EIF2B3: variants seen among roughly 807,000 people sequenced by gnomAD.
The protein encoded by EIF2B3 is eukaryotic translation initiation factor 2B subunit gamma.
Under a neutral mutation model 54.1 loss-of-function variants are expected in EIF2B3, and 20 were observed. The observed-to-expected ratio is 0.37, with a 90% CI of 0.26 to 0.54. The LOEUF (loss-of-function observed/expected upper bound fraction) is 0.54. Ranked by LOEUF, EIF2B3 falls within the 20% of genes least tolerant of loss-of-function variation. The pLI is 0.86. For synonymous variants in EIF2B3, 153 were observed against 188.1 expected (o/e 0.81, Z 1.52); for missense variants, 448 against 547.8 (o/e 0.82, Z 1.82).
chr1:44,916,421 T>G (rs1014923012), intron 5 of EIF2B3, among the ~76,000 whole-genome samples: 2 of 150,796 alleles, frequency 1.3e-5, no homozygotes, highest in African/African-American at 4.9e-5. Flanking sequence ...AGAGACAAGA[T>G]CTCACCATAT....
intron 4 of EIF2B3, 119 bp from the exon 5 acceptor site, chr1:44,926,858 G>T: frequency 3.3e-6 from 3 of 919,734 alleles, no homozygotes; most frequent in Non-Finnish European, 5.1e-6. Flanking sequence ...TTGAAGGGTG[G>T]GTGCAGTGGC....
At chr1:44,953,816 A>G (rs1644194756) in intron 3 of EIF2B3, among the ~76,000 whole-genome samples, 1 of 152,174 alleles carries the variant, frequency 6.6e-6, no homozygotes, top group Non-Finnish European at 1.5e-5. Context: ...TAAAATAACA[A>G]CAGCATTTAC....
In EIF2B3 at chr1:44,885,828, A is replaced by C. The variant is rs1426406591; in HGVS notation, c.657-4089T>G. Among the ~76,000 whole-genome samples, 3 of 150,146 alleles carry C rather than the reference A, an allele frequency of 2.0e-5. No homozygotes were observed. In the East Asian group the frequency reaches 5.9e-4, roughly 30 times the overall value. Reference sequence around the variant, plus strand: ...TGGCTCACTGCAACCTCCGCCTCCCAGGTTCAAGTGATTCTCCTGCCTCAG... The same window carrying C: ...TGGCTCACTGCAACCTCCGCCTCCCCGGTTCAAGTGATTCTCCTGCCTCAG... On this transcript the variant is annotated intron_variant, in intron 6 of 11. Transcript: ENST00000360403.
Position 44,983,628 on chromosome 1 carries a change from T to C in EIF2B3, c.-9-2451A>G, listed in dbSNP as rs549137776. On this transcript the variant is annotated intron_variant, in intron 1 of 11. Transcript: ENST00000360403. ...GGCTCACGCCTGTAATCCCAGCACT[T>C]TGGGAGGCCCAGGCGGGCGGATCAC... Among the ~76,000 whole-genome samples, 20 of 150,854 alleles carry C rather than the reference T, an allele frequency of 1.3e-4. No individual in the cohort carries two copies. In the East Asian group the frequency reaches 3.9e-3, roughly 29 times the overall value.
At chr1:44,910,656 TTA>T (rs1491241627) in intron 5 of EIF2B3, among the ~76,000 whole-genome samples, 7,061 of 94,198 alleles carry the variant, frequency 0.075, 1,202 homozygotes, top group African/African-American at 0.29. Flanking sequence ...TTTTTTTTTT[TTA>T]AAAGAGAGAA....
chr1:44,900,947 ATCTTT>A (rs1427575319), intron 5 of EIF2B3, among the ~76,000 whole-genome samples: 2 of 151,872 alleles, frequency 1.3e-5, no homozygotes, highest in African/African-American at 4.8e-5. Flanking sequence ...AAGAGTTCTT[ATCTTT>A]TCATTTCCTT....
chr1:44,877,629 AT>A (rs1057251966), intron 8 of EIF2B3, among the ~76,000 whole-genome samples: 2 of 152,174 alleles, frequency 1.3e-5, no homozygotes, highest in Non-Finnish European at 2.9e-5. Flanking sequence ...GAAGGCATCT[AT>A]CCCCCAGCCA....
chr1:44,918,688 AC>A (rs1643677582), intron 5 of EIF2B3, among the ~76,000 whole-genome samples: 1 of 152,134 alleles, frequency 6.6e-6, no homozygotes, highest in South Asian at 2.1e-4. Context: ...ACTGCACCTA[AC>A]CAATAGCATT....
At chr1:44,851,071 T>C in intron 11 of EIF2B3, 68 bp from the exon 12 acceptor site, 1 of 1,404,118 alleles carries the variant, frequency 7.1e-7, no homozygotes, top group African/African-American at 1.4e-5. Context: ...CCCAACTGCT[T>C]TTTTTTTTTG....
intron 8 of EIF2B3, among the ~76,000 whole-genome samples, chr1:44,877,178 C>T (rs1655194102): frequency 9.9e-6 from 1 of 101,436 alleles, no homozygotes; most frequent in Non-Finnish European, 1.9e-5. Context: ...CGAGAAACAC[C>T]CAAGAATGAT....
intron 6 of EIF2B3, among the ~76,000 whole-genome samples, chr1:44,884,999 C>T (rs113999347): frequency 0.012 from 1,896 of 152,344 alleles, 41 homozygotes; most frequent in African/African-American, 0.044. Context: ...ACTCTTCCTG[C>T]TTCCTAGTTA....
intron 8 of EIF2B3, among the ~76,000 whole-genome samples, chr1:44,877,192 T>TAAAAAAAAAAAAAAAAA (rs768263508): frequency 1.9e-5 from 1 of 52,054 alleles, no homozygotes; most frequent in African/African-American, 8.9e-5. Context: ...GAATGATCAA[T>TAAAAAAAAAAAAAAAAA]AAAAAAAAAA....
chr1:44,979,353 T>C (rs927712047), intron 2 of EIF2B3, among the ~76,000 whole-genome samples: 6 of 149,956 alleles, frequency 4.0e-5, no homozygotes, highest in African/African-American at 1.5e-4. Context: ...CAGAAGAACA[T>C]TAATCAAAAA....
At position 44,986,525 on chromosome 1, in the gene EIF2B3, G is replaced by A. The variant is rs895488560; in HGVS notation, c.-42C>T. 1 of 152,508 alleles carries A rather than the reference G, an allele frequency of 6.6e-6. No homozygotes were observed. The highest frequency in any genetic ancestry group is 2.4e-5 in the African/African-American group (1 of 41,480). The allele number at this position is 152,508 out of a possible 1,614,324, so 9.4% of individuals were successfully genotyped here. ...AGCCAGCTTGTGTGCGGCCTGGCAG[G>A]GCAGAAGTCACAGCTATAACTCAGC... On this transcript the variant is annotated 5_prime_UTR_variant, in exon 1 of 12. Transcript: ENST00000360403.
chr1:44,923,998 C>T (rs1050539910), intron 5 of EIF2B3, among the ~76,000 whole-genome samples: 3 of 147,948 alleles, frequency 2.0e-5, no homozygotes, highest in Non-Finnish European at 3.0e-5. Context: ...TGGAGTACAG[C>T]GGTGCAATCT....
intron 10 of EIF2B3, among the ~76,000 whole-genome samples, chr1:44,868,322 C>A (rs1654848499): frequency 6.8e-6 from 1 of 146,620 alleles, no homozygotes; most frequent in African/African-American, 2.5e-5. Context: ...GGTGTGAACC[C>A]GGGAGGCGGA....
chr1:44,857,826 G>A lies in EIF2B3; in HGVS notation c.1203-19C>T. 2 of 1,610,638 alleles carry A rather than the reference G, an allele frequency of 1.2e-6. No individual in the cohort carries two copies. Among genetic ancestry groups the A allele is most frequent in the East Asian group, 4.5e-5 (2 of 44,870 alleles). On this transcript the variant is annotated intron_variant, in intron 10 of 11. Transcript: ENST00000360403. Reference sequence around the variant, plus strand: ...ATTGCTTCTGTAACACAGTAGCCAAGTTAGGGAGGACCCAAGGCTCGCATC... The same window carrying A: ...ATTGCTTCTGTAACACAGTAGCCAAATTAGGGAGGACCCAAGGCTCGCATC...
At chr1:44,952,763 A>G (rs1644181033) in intron 3 of EIF2B3, among the ~76,000 whole-genome samples, 1 of 151,594 alleles carries the variant, frequency 6.6e-6, no homozygotes. Context: ...TGTGTTAGCC[A>G]GGATGGTCTC....
At chr1:44,857,314 G>C (rs6661667) in intron 11 of EIF2B3, among the ~76,000 whole-genome samples, 3,313 of 152,306 alleles carry the variant, frequency 0.022, 61 homozygotes, top group Non-Finnish European at 0.031. Context: ...CAGTTCTCCT[G>C]AGGTCGGGAG....
Sources: gnomAD v4.1 joint callset for allele counts (sites outside exome capture counted in the v4.1 genomes callset) on GRCh38, gnomAD v4.1.1 for gene constraint, MANE v1.5 for transcripts, NCBI Gene and HGNC (gene_info 2026-07-23, HGNC 2026-07-21) for gene names.